NRXN3: variants seen among roughly 807,000 people sequenced by gnomAD.
NRXN3 encodes the protein neurexin III.
In NRXN3, 32 loss-of-function variants were observed where a neutral mutation model predicts 137.6. The observed-to-expected ratio is 0.23, with a 90% CI of 0.18 to 0.31. The LOEUF (loss-of-function observed/expected upper bound fraction) is 0.31. NRXN3 is among the 10% of genes least tolerant of loss of function. NRXN3 has a pLI of 1.00. For synonymous variants in NRXN3, 798 were observed against 784.5 expected, an observed-to-expected ratio of 1.02 and a Z score of -0.29; for missense variants, 1,574 against 2,062.5, an observed-to-expected ratio of 0.76 and a Z score of 4.59.
At chr14:79,104,512 T>G (rs1178615013) in intron 15 of NRXN3, among the ~76,000 whole-genome samples, 1 of 152,164 alleles carries the variant, frequency 6.6e-6, no homozygotes, top group Non-Finnish European at 1.5e-5. Context: ...TTCTAACTTC[T>G]TGACCTCTAA....
intron 16 of NRXN3, among the ~76,000 whole-genome samples, chr14:79,586,448 T>C (rs1208728005): frequency 6.6e-6 from 1 of 152,236 alleles, no homozygotes; most frequent in Non-Finnish European, 1.5e-5. Context: ...TTGTAGAATG[T>C]TGAATATGGT....
intron 4 of NRXN3, among the ~76,000 whole-genome samples, chr14:78,352,579 G>T (rs1158448086): frequency 6.6e-6 from 1 of 152,126 alleles, no homozygotes; most frequent in Admixed American, 6.5e-5. Context: ...GAGGGGTGTG[G>T]GATTTACCCT....
intron 15 of NRXN3, among the ~76,000 whole-genome samples, chr14:79,228,915 A>T (rs763551536): frequency 2.6e-5 from 4 of 152,118 alleles, no homozygotes; most frequent in Non-Finnish European, 4.4e-5. Flanking sequence ...ACTTTTTTGC[A>T]CATCACTTTT....
At chr14:79,260,790 T>C (rs1298488958) in intron 15 of NRXN3, among the ~76,000 whole-genome samples, 1 of 152,094 alleles carries the variant, frequency 6.6e-6, no homozygotes, top group Non-Finnish European at 1.5e-5. Context: ...TTTCCAGAAC[T>C]CAAACACCTA....
intron 4 of NRXN3, among the ~76,000 whole-genome samples, chr14:78,351,576 T>C (rs1032999196): frequency 1.1e-4 from 17 of 152,240 alleles, no homozygotes; most frequent in African/African-American, 4.1e-4. Context: ...GAGCAACTTT[T>C]TATCTGGGTA....
intron 6 of NRXN3, among the ~76,000 whole-genome samples, chr14:78,672,673 T>A (rs1218880625): frequency 6.6e-6 from 1 of 152,182 alleles, no homozygotes; most frequent in African/African-American, 2.4e-5. Flanking sequence ...CCCTCTAGCA[T>A]AACATACCGA....
At chr14:79,438,505 G>A (rs1294392637) in intron 15 of NRXN3, among the ~76,000 whole-genome samples, 1 of 152,114 alleles carries the variant, frequency 6.6e-6, no homozygotes, top group African/African-American at 2.4e-5. Context: ...TTCTGTCACT[G>A]ATGTTTGTCT....
chr14:79,152,008 C>G (rs928583478), intron 15 of NRXN3, among the ~76,000 whole-genome samples: 2 of 151,990 alleles, frequency 1.3e-5, no homozygotes, highest in Non-Finnish European at 2.9e-5. Flanking sequence ...GATGTGCTAA[C>G]AATTAGACAT....
intron 15 of NRXN3, among the ~76,000 whole-genome samples, chr14:79,362,033 A>G (rs887225104): frequency 7.0e-6 from 1 of 142,582 alleles, no homozygotes; most frequent in African/African-American, 2.8e-5. Context: ...TATTATTATT[A>G]TTTGCAACCT....
At chr14:79,501,841 G>T (rs912858212) in intron 16 of NRXN3, among the ~76,000 whole-genome samples, 1 of 152,078 alleles carries the variant, frequency 6.6e-6, no homozygotes, top group Non-Finnish European at 1.5e-5. Flanking sequence ...GATAGGGGTG[G>T]ATGTCGGAGA....
intron 6 of NRXN3, among the ~76,000 whole-genome samples, chr14:78,658,860 A>C (rs2097807937): frequency 6.6e-6 from 1 of 152,186 alleles, no homozygotes; most frequent in South Asian, 2.1e-4. Context: ...AGGTGACCAG[A>C]AGAAATAAGA....
At chr14:78,533,772 T>C (rs2096499915) in intron 4 of NRXN3, among the ~76,000 whole-genome samples, 1 of 152,250 alleles carries the variant, frequency 6.6e-6, no homozygotes, top group South Asian at 2.1e-4. Flanking sequence ...CTCCATCCGT[T>C]ACCAAGGTTG....
At chr14:78,515,818 G>A (rs777109861) in intron 4 of NRXN3, among the ~76,000 whole-genome samples, 2 of 152,114 alleles carry the variant, frequency 1.3e-5, no homozygotes, top group Admixed American at 1.3e-4. Flanking sequence ...AATAGGAAAA[G>A]CAGCATGATA....
At chr14:78,585,435 G>C (rs1465119150) in intron 4 of NRXN3, among the ~76,000 whole-genome samples, 1 of 152,182 alleles carries the variant, frequency 6.6e-6, no homozygotes, top group East Asian at 1.9e-4. Flanking sequence ...TGGACAAATT[G>C]AAGCAGAGTG....
chr14:79,283,153 G>T (rs2081569348), intron 15 of NRXN3, among the ~76,000 whole-genome samples: 1 of 152,266 alleles, frequency 6.6e-6, no homozygotes, highest in Admixed American at 6.5e-5. Flanking sequence ...ATGGCACCAA[G>T]AGACTGATGG....
rs566422136 is a variant in NRXN3 at position 78,941,372 on chromosome 14, C to G, written c.2276-15870C>G. 3.3e-5 allele frequency among the ~76,000 whole-genome samples: 5 copies of G among 152,316 alleles called. No individual in the cohort carries two copies. The East Asian group carries it at 9.6e-4, about 29-fold the overall frequency. On this transcript the variant is annotated intron_variant, in intron 10 of 20. Coordinates refer to ENST00000335750, the MANE Select transcript of NRXN3 (RefSeq NM_001330195.2). ...CTCCAGTGGCATGATCTAGGGCTGG[C>G]AGGGATTCACCTTTCCTTACCCGTG...
At chr14:79,302,396 C>A (rs1157009865) in intron 15 of NRXN3, among the ~76,000 whole-genome samples, 1 of 151,922 alleles carries the variant, frequency 6.6e-6, no homozygotes, top group Non-Finnish European at 1.5e-5. Flanking sequence ...CCCCAGGAAG[C>A]TTTTACTCAT....
intron 4 of NRXN3, among the ~76,000 whole-genome samples, chr14:78,422,214 C>T (rs747572744): frequency 6.6e-6 from 1 of 152,146 alleles, no homozygotes; most frequent in Non-Finnish European, 1.5e-5. Context: ...AATGGTACTT[C>T]CCCAGGTAAC....
intron 4 of NRXN3, among the ~76,000 whole-genome samples, chr14:78,587,999 A>G (rs924974910): frequency 6.6e-6 from 1 of 152,220 alleles, no homozygotes; most frequent in Non-Finnish European, 1.5e-5. Flanking sequence ...GGACTGAAAT[A>G]ACCAAGATGA....
Sources: allele counts gnomAD v4.1 joint callset (sites outside exome capture counted in the v4.1 genomes callset), GRCh38; gene constraint gnomAD v4.1.1; transcripts MANE v1.5; gene names NCBI Gene and HGNC (gene_info 2026-07-23, HGNC 2026-07-21).